LRP1B: variants seen among roughly 807,000 people sequenced by gnomAD.
LRP1B encodes the protein low-density lipoprotein receptor-related protein 1B.
LRP1B carries 217 observed loss-of-function variants against 556.6 expected under a neutral mutation model. That is an observed-to-expected ratio of 0.39 (90% CI 0.35 to 0.44). The LOEUF is 0.44. LRP1B is among the 20% of genes least tolerant of loss of function. The probability of loss-of-function intolerance (pLI) is 1.00; values close to 1 mark genes in which losing one functional copy is unlikely to be tolerated. For synonymous variants in LRP1B, 2,047 were observed against 1,865.8 expected (o/e 1.10, Z -2.50); for missense variants, 5,053 against 5,620.8 (o/e 0.90, Z 3.23).
At chr2:141,284,871 T>C (rs965823426) in intron 3 of LRP1B, among the ~76,000 whole-genome samples, 1 of 152,190 alleles carries the variant, frequency 6.6e-6, no homozygotes, top group Non-Finnish European at 1.5e-5. Context: ...TTAAAATAAG[T>C]CTTGAAATCA....
chr2:140,903,147 T>C lies in LRP1B; in HGVS notation c.3539A>G (p.Asn1180Ser), dbSNP rs2105223592. Reference sequence around the variant, plus strand: ...AGAACAGTGGTTGCTACAGCCTCCATTGTTCAGCGAACACTCATCTATAAA... The same window carrying C: ...AGAACAGTGGTTGCTACAGCCTCCACTGTTCAGCGAACACTCATCTATAAA... ...GYLCDECSLN[N>S]GGCSNHCSVV... Residue 1180 changes from asparagine to serine, a missense_variant, in exon 23 of 91, where the codon AAT becomes AGT. Transcript: ENST00000389484. The C allele has an allele frequency of 1.9e-6, 3 of 1,613,288 alleles. No homozygotes were observed. The highest frequency in any genetic ancestry group is 1.7e-5 in the Admixed American group (1 of 59,922).
rs769089432 is a variant in LRP1B, at chr2:140,399,166, C to CAT, written c.10415-13158_10415-13157insAT. On this transcript the variant is annotated intron_variant, in intron 66 of 90. Coordinates refer to ENST00000389484, the MANE Select transcript of LRP1B (RefSeq NM_018557.3). ...TACTTAAAAAGAGAAGACCAAGATA[C>CAT]ACACACACACACACACACACACACC... 1.1e-3 allele frequency among the ~76,000 whole-genome samples: 151 copies of CAT among 138,266 alleles called. 3 individuals carry two copies. The highest frequency in any genetic ancestry group is 3.6e-3 in the African/African-American group (138 of 37,996). 90.7% of individuals were successfully genotyped at this position (138,266 alleles called of 152,430 possible).
chr2:140,974,807 G>A (rs1016480017), intron 18 of LRP1B, among the ~76,000 whole-genome samples: 3 of 152,198 alleles, frequency 2.0e-5, no homozygotes, highest in Non-Finnish European at 4.4e-5. Flanking sequence ...GGGGAGTACT[G>A]CACAAGTCAA....
intron 71 of LRP1B, among the ~76,000 whole-genome samples, chr2:140,369,552 T>C (rs913700053): frequency 7.2e-5 from 11 of 152,024 alleles, no homozygotes; most frequent in African/African-American, 1.2e-4. Context: ...AGAGCCGTTA[T>C]AGACATTTAA....
chr2:140,926,244 A>G (rs1455575860), intron 20 of LRP1B, among the ~76,000 whole-genome samples: 1 of 152,102 alleles, frequency 6.6e-6, no homozygotes, highest in African/African-American at 2.4e-5. Flanking sequence ...AATAATGCAC[A>G]TACACATCAT....
intron 4 of LRP1B, 56 bp from the exon 5 acceptor site, chr2:141,247,410 T>C (rs947607353): frequency 2.6e-5 from 41 of 1,584,600 alleles, no homozygotes; most frequent in Non-Finnish European, 3.1e-5. Flanking sequence ...CACTTTTTTT[T>C]CTCCTTGAAG....
At chr2:141,590,378 A>T (rs1435225809) in intron 2 of LRP1B, among the ~76,000 whole-genome samples, 2 of 152,132 alleles carry the variant, frequency 1.3e-5, no homozygotes, top group Admixed American at 1.3e-4. Flanking sequence ...GAATTTTAAA[A>T]ACTTTCGTAC....
At chr2:141,994,757 C>T (rs1046757369) in intron 1 of LRP1B, among the ~76,000 whole-genome samples, 1 of 152,084 alleles carries the variant, frequency 6.6e-6, no homozygotes, top group African/African-American at 2.4e-5. Context: ...AATAATATTA[C>T]TTTTATCTAT....
intron 79 of LRP1B, among the ~76,000 whole-genome samples, chr2:140,331,020 T>G (rs1680781929): frequency 6.6e-6 from 1 of 152,088 alleles, no homozygotes; most frequent in Non-Finnish European, 1.5e-5. Context: ...TACTATTAGA[T>G]AGTACTACAA....
chr2:141,996,337 C>T (rs1358676670), intron 1 of LRP1B, among the ~76,000 whole-genome samples: 4 of 152,082 alleles, frequency 2.6e-5, no homozygotes, highest in African/African-American at 2.4e-5. Flanking sequence ...CTGACTCTTA[C>T]TTGTTGCTTA....
intron 2 of LRP1B, among the ~76,000 whole-genome samples, chr2:141,489,640 A>T (rs1417222952): frequency 6.6e-6 from 1 of 152,096 alleles, no homozygotes; most frequent in East Asian, 1.9e-4. Context: ...TTCCCAGAAC[A>T]GTGTTTATTT....
At chr2:141,901,921 A>G (rs1418209730) in intron 1 of LRP1B, among the ~76,000 whole-genome samples, 1 of 149,590 alleles carries the variant, frequency 6.7e-6, no homozygotes, top group Non-Finnish European at 1.5e-5. Context: ...AAATATGTGT[A>G]TGTGATTGGA....
intron 1 of LRP1B, among the ~76,000 whole-genome samples, chr2:141,847,650 C>T (rs1215405821): frequency 1.3e-5 from 2 of 151,404 alleles, no homozygotes. Context: ...ACATATAAGG[C>T]AACTTGATGT....
intron 59 of LRP1B, among the ~76,000 whole-genome samples, chr2:140,483,839 C>A (rs1470308777): frequency 2.0e-5 from 3 of 151,516 alleles, no homozygotes; most frequent in South Asian, 4.2e-4. Flanking sequence ...TGGGGTTTCG[C>A]CATGGTGGCC....
At chr2:141,456,367 T>G (rs1021974000) in intron 3 of LRP1B, among the ~76,000 whole-genome samples, 10 of 152,230 alleles carry the variant, frequency 6.6e-5, no homozygotes, top group African/African-American at 2.4e-4. Context: ...TTATTTTGCA[T>G]GAATCCTGAC....
intron 57 of LRP1B, among the ~76,000 whole-genome samples, chr2:140,491,202 C>T (rs1688685212): frequency 6.6e-6 from 1 of 152,062 alleles, no homozygotes; most frequent in Non-Finnish European, 1.5e-5. Context: ...ATCACTGAAG[C>T]TCTATTATAG....
chr2:141,333,657 G>A (rs1342696646), intron 3 of LRP1B, among the ~76,000 whole-genome samples: 1 of 152,162 alleles, frequency 6.6e-6, no homozygotes, highest in African/African-American at 2.4e-5. Flanking sequence ...AAATTTTAAA[G>A]TGAAACTAAA....
chr2:140,952,423 A>G (rs1249841707), intron 18 of LRP1B, among the ~76,000 whole-genome samples: 2 of 152,194 alleles, frequency 1.3e-5, no homozygotes, highest in Non-Finnish European at 2.9e-5. Context: ...GTTAAAAAAA[A>G]AATAAACACA....
chr2:141,409,578 T>C (rs1181474462), intron 3 of LRP1B, among the ~76,000 whole-genome samples: 2 of 152,102 alleles, frequency 1.3e-5, no homozygotes, highest in Non-Finnish European at 2.9e-5. Flanking sequence ...TTTTAATATG[T>C]CTACTATGTG....
Sources: allele counts gnomAD v4.1 joint callset (sites outside exome capture counted in the v4.1 genomes callset), GRCh38; gene constraint gnomAD v4.1.1; transcripts MANE v1.5; gene names NCBI Gene and HGNC (gene_info 2026-07-23, HGNC 2026-07-21).